ZNF484: variants seen among roughly 807,000 people sequenced by gnomAD.
The protein encoded by ZNF484 is zinc finger protein 484, also known as KRAB box containing C2H2 type zinc finger bA526D8.4.
A neutral mutation model predicts 12.9 loss-of-function variants in ZNF484; 11 were observed. The ratio of observed to expected loss-of-function variants is 0.85; its 90% CI spans 0.54 to 1.41. ZNF484 has a LOEUF of 1.41. ZNF484 is among the 40% of genes most tolerant of loss of function. ZNF484 has a pLI of 0.00. For synonymous variants in ZNF484, 289 were observed against 334.1 expected (o/e 0.86, Z 1.47); for missense variants, 807 against 1,007.7 (o/e 0.80, Z 2.70).
chr9:92,873,425 C>T (rs911784648), intron 2 of ZNF484, among the ~76,000 whole-genome samples: 2 of 123,892 alleles, frequency 1.6e-5, no homozygotes, highest in Non-Finnish European at 3.4e-5. Context: ...TGAAAGGGAC[C>T]AGTTCCTGAA....
intron 4 of ZNF484, among the ~76,000 whole-genome samples, chr9:92,850,090 C>G (rs948688426): frequency 6.6e-6 from 1 of 152,200 alleles, no homozygotes; most frequent in Non-Finnish European, 1.5e-5. Flanking sequence ...CGTAAGCCAG[C>G]AAGCCCAGCC....
intron 1 of ZNF484, among the ~76,000 whole-genome samples, chr9:92,875,754 C>T (rs894411620): frequency 3.3e-5 from 5 of 152,168 alleles, no homozygotes; most frequent in Admixed American, 1.3e-4. Context: ...CACAACTAGG[C>T]TATAAGCTCC....
rs750020034 is a variant in ZNF484, at chr9:92,847,050, T to C, written c.1737A>G (p.Pro579=). Residue 579 remains proline (P), a synonymous_variant, in exon 5 of 5, where the codon CCA becomes CCG. Transcript: ENST00000375495. Reference sequence around the variant, plus strand: ...CCTTACCACATTCAGTGCAAACATATGGTTTTTCCCCTCTATGAATTCTCT... The same window carrying C: ...CCTTACCACATTCAGTGCAAACATACGGTTTTTCCCCTCTATGAATTCTCT... ...MHQRIHRGEK[P]YVCTECGKAF... The C allele has an allele frequency of 4.3e-6, 7 of 1,613,304 alleles. No individual in the cohort carries two copies. Among genetic ancestry groups the C allele is most frequent in the Admixed American group, 3.3e-5 (2 of 59,944 alleles).
At chr9:92,859,600 C>T (rs1856662030) in intron 2 of ZNF484, among the ~76,000 whole-genome samples, 1 of 152,142 alleles carries the variant, frequency 6.6e-6, no homozygotes, top group South Asian at 2.1e-4. Flanking sequence ...ACTACACATA[C>T]CTACAAAGTT....
At chr9:92,871,237 A>T (rs1391409332) in intron 2 of ZNF484, among the ~76,000 whole-genome samples, 1 of 152,238 alleles carries the variant, frequency 6.6e-6, no homozygotes, top group Non-Finnish European at 1.5e-5. Flanking sequence ...AATAGAGAAG[A>T]GATGAAAAAA....
At chr9:92,872,925 A>G (rs1383548735) in intron 2 of ZNF484, among the ~76,000 whole-genome samples, 1 of 152,160 alleles carries the variant, frequency 6.6e-6, no homozygotes, top group Non-Finnish European at 1.5e-5. Context: ...AAAAAACAAA[A>G]GAACTATCAA....
intron 4 of ZNF484, among the ~76,000 whole-genome samples, chr9:92,850,246 T>C (rs1855984759): frequency 6.6e-6 from 1 of 152,202 alleles, no homozygotes; most frequent in Non-Finnish European, 1.5e-5. Context: ...TGTTTAGTAA[T>C]TGGGGAAGAA....
At chr9:92,856,144 T>C (rs369226718) in intron 3 of ZNF484, 48 bp downstream of exon 3, 3 of 1,600,542 alleles carry the variant, frequency 1.9e-6, no homozygotes, top group African/African-American at 2.7e-5. Flanking sequence ...AAGAAAAATA[T>C]ACTCAATTAG....
chr9:92,874,360 G>A (rs1442665511), intron 2 of ZNF484, among the ~76,000 whole-genome samples: 2 of 148,830 alleles, frequency 1.3e-5, no homozygotes, highest in Non-Finnish European at 3.0e-5. Flanking sequence ...TGCCCAGGCT[G>A]GAGTGCAAAG....
At chr9:92,849,651 C>A (rs2131596293) in intron 4 of ZNF484, among the ~76,000 whole-genome samples, 2 of 152,032 alleles carry the variant, frequency 1.3e-5, no homozygotes, top group Middle Eastern at 6.8e-3. Flanking sequence ...ATTAGCTGGG[C>A]CTAGTGGCAC....
Position 92,848,109 on chromosome 9 carries a change from G to T in ZNF484, c.678C>A (p.Asn226Lys), listed in dbSNP as rs755650734. Residue 226 changes from asparagine to lysine, a missense_variant, in exon 5 of 5, where the codon AAC (asparagine) becomes AAA (lysine). Asn to Lys is a moderately conservative substitution (Grantham distance 94). Coordinates refer to ENST00000375495, the MANE Select transcript of ZNF484 (RefSeq NM_031486.4). This position sits in a 1 kb window ranked among gnomAD's most constrained non-coding sequence, Gnocchi z 4.1. ...TATGATGCAGAGGTTTCCCACATTGGTTACATTCACAAGCAGTCACTTCTG... is the reference window on the plus strand; with the variant it reads ...TATGATGCAGAGGTTTCCCACATTGTTTACATTCACAAGCAGTCACTTCTG... ...SHTEVTACEC[N>K]QCGKPLHHKQ... The T allele has an allele frequency of 9.9e-6, 16 of 1,614,016 alleles. No individual in the cohort carries two copies. The highest frequency in any genetic ancestry group is 1.4e-5 in the Non-Finnish European group (16 of 1,180,030).
Position 92,848,350 on chromosome 9 carries a change from G to A in ZNF484, c.437C>T (p.Thr146Ile). The change falls in exon 5 of 5, where the codon ACA becomes ATA. Residue 146 changes from threonine to isoleucine, a missense_variant. By Grantham distance (89) the Thr-to-Ile change is moderately conservative. Coordinates refer to ENST00000375495, the MANE Select transcript of ZNF484 (RefSeq NM_031486.4). The surrounding 1 kb of genome is among the most constrained non-coding windows in gnomAD (Gnocchi z 4.1). ...LSRVVFINKK[T>I]LANDSIFEYK... is the part of the protein sequence containing the mutation. ...TTCAAAGATGCTGTCATTAGCTAGT[G>A]TTTTCTTGTTAATGAAGACAACACG... The A allele has an allele frequency of 6.2e-7, 1 of 1,614,018 alleles. No individual in the cohort carries two copies. Among genetic ancestry groups the A allele is most frequent in the Non-Finnish European group, 8.5e-7 (1 of 1,179,984 alleles).
intron 4 of ZNF484, among the ~76,000 whole-genome samples, chr9:92,852,380 G>A (rs1441718718): frequency 2.6e-5 from 4 of 151,672 alleles, no homozygotes; most frequent in Admixed American, 6.6e-5. Context: ...TGCAAGCTCC[G>A]CCTCCTGGGT....
chr9:92,847,151 G>C lies in ZNF484; in HGVS notation c.1636C>G (p.His546Asp). ...CATTCATAATGTCTCTCTCCAGTAT[G>C]ACACTTCTGATGTATCCTGAGCCGA... Reference protein sequence around the residue: ...KSRLRIHQKCHTGERHYECSE... With the variant: ...KSRLRIHQKCDTGERHYECSE... The change falls in exon 5 of 5, where the codon CAT becomes GAT. Residue 546 changes from histidine (H) to aspartate (D), a missense_variant. Transcript: ENST00000375495. The C allele has an allele frequency of 6.2e-7, 1 of 1,614,072 alleles. No individual in the cohort carries two copies. Among genetic ancestry groups the C allele is most frequent in the Non-Finnish European group, 8.5e-7 (1 of 1,180,022 alleles).
intron 4 of ZNF484, 57 bp downstream of exon 4, chr9:92,855,754 C>G: frequency 1.3e-6 from 2 of 1,537,200 alleles, no homozygotes; most frequent in Non-Finnish European, 1.8e-6. Context: ...CACAGCTTCT[C>G]CCAGTACAAA....
At chr9:92,856,678 T>C (rs1856483223) in intron 2 of ZNF484, among the ~76,000 whole-genome samples, 1 of 152,210 alleles carries the variant, frequency 6.6e-6, no homozygotes, top group Admixed American at 6.5e-5. Context: ...AAATTGATTA[T>C]AATGATGGCT....
chr9:92,848,449 G>A lies in ZNF484; in HGVS notation c.338C>T (p.Ser113Phe), dbSNP rs752820489. The A allele has an allele frequency of 6.2e-7, 1 of 1,613,948 alleles. No individual in the cohort carries two copies. The highest frequency in any genetic ancestry group is 8.5e-7 in the Non-Finnish European group (1 of 1,180,016). ...GTCTTTCCACAATTCTTCTAAAATG[G>A]AATATGGGTCATCTCTTGTGAAGAG... ...INLFTRDDPY[S>F]ILEELWKDDE... Residue 113 changes from serine (S) to phenylalanine (F), a missense_variant, in exon 5 of 5, where the codon TCC (serine) becomes TTC (phenylalanine). Coordinates refer to ENST00000375495, the MANE Select transcript of ZNF484 (RefSeq NM_031486.4). The surrounding 1 kb of genome is among the most constrained non-coding windows in gnomAD (Gnocchi z 4.1).
At chr9:92,850,611 A>G (rs1410820615) in intron 4 of ZNF484, among the ~76,000 whole-genome samples, 3 of 152,178 alleles carry the variant, frequency 2.0e-5, no homozygotes, top group East Asian at 3.9e-4. Context: ...GCCTCACTCT[A>G]TCACCCAGGC....
intron 4 of ZNF484, among the ~76,000 whole-genome samples, chr9:92,851,380 T>G (rs1856065940): frequency 6.6e-6 from 1 of 152,232 alleles, no homozygotes. Context: ...CATATGAAAA[T>G]TATATGAAAT....
Sources: gnomAD v4.1 joint callset for allele counts (sites outside exome capture counted in the v4.1 genomes callset) on GRCh38, gnomAD v4.1.1 for gene constraint, Gnocchi (gnomAD v3.1) non-coding constraint, MANE v1.5 for transcripts, NCBI Gene and HGNC (gene_info 2026-07-23, HGNC 2026-07-21) for gene names.